The following CADM1 variants were observed in gnomAD, a reference collection of about 807,000 sequenced individuals.
CADM1 encodes the protein cell adhesion molecule 1.
Under a neutral mutation model 53.1 loss-of-function variants are expected in CADM1, and 15 were observed. The observed-to-expected ratio is 0.28, with a 90% CI of 0.19 to 0.44. The LOEUF (loss-of-function observed/expected upper bound fraction) is 0.44, where lower values mean the gene tolerates loss of function less well. CADM1 is among the 20% of genes least tolerant of loss of function. The probability of loss-of-function intolerance (pLI) is 1.00; values close to 1 mark genes in which losing one functional copy is unlikely to be tolerated. For synonymous variants in CADM1, 281 were observed against 243.0 expected, an observed-to-expected ratio of 1.16 and a Z score of -1.45; for missense variants, 434 against 611.3, an observed-to-expected ratio of 0.71 and a Z score of 3.06.
intron 1 of CADM1, among the ~76,000 whole-genome samples, chr11:115,487,946 C>T (rs1442941992): frequency 6.6e-6 from 1 of 151,490 alleles, no homozygotes; most frequent in Non-Finnish European, 1.5e-5. Context: ...GACAGTAGGT[C>T]ATGCTGAAAA....
chr11:115,302,932 G>T (rs1944269841), intron 1 of CADM1, among the ~76,000 whole-genome samples: 2 of 152,058 alleles, frequency 1.3e-5, no homozygotes, highest in African/African-American at 2.4e-5. Context: ...ATTACCAGTT[G>T]CAATTACAAG....
chr11:115,484,595 T>A lies in CADM1; in HGVS notation c.124+19676A>T, dbSNP rs570822637. Among the ~76,000 whole-genome samples, 9 of 152,302 alleles carry A rather than the reference T, an allele frequency of 5.9e-5. No individual in the cohort carries two copies. In the East Asian group the frequency reaches 1.7e-3, roughly 29 times the overall value. ...TGAACTGGCTCTTTCTAGTTCCCTA[T>A]ACCATGGTAAAGACACAATTTGGCG... On this transcript the variant is annotated intron_variant, in intron 1 of 11. Coordinates refer to ENST00000331581, the MANE Select transcript of CADM1 (RefSeq NM_001301043.2).
intron 1 of CADM1, among the ~76,000 whole-genome samples, chr11:115,469,144 G>A (rs1948955784): frequency 6.6e-6 from 1 of 152,068 alleles, no homozygotes. Flanking sequence ...TATACATTCT[G>A]CACTATTGAA....
In CADM1 at chr11:115,453,377, C is replaced by T. The variant is rs80206889; in HGVS notation, c.124+50894G>A. Among the ~76,000 whole-genome samples, 531 of 126,108 alleles carry T rather than the reference C, an allele frequency of 4.2e-3. 1 individual carries two copies. The highest frequency in any genetic ancestry group is 0.012 in the African/African-American group (453 of 36,812). 82.7% of individuals were successfully genotyped at this position (126,108 alleles called of 152,430 possible). On this transcript the variant is annotated intron_variant, in intron 1 of 11. Transcript: ENST00000331581. Reference sequence around the variant, plus strand: ...TGAAACCCTATACCCCCCTCGCCCCCAAAAAAAACCAAAAAAAAAAAACAA... The same window carrying T: ...TGAAACCCTATACCCCCCTCGCCCCTAAAAAAAACCAAAAAAAAAAAACAA...
chr11:115,398,398 G>C (rs1947056832), intron 1 of CADM1, among the ~76,000 whole-genome samples: 1 of 152,112 alleles, frequency 6.6e-6, no homozygotes, highest in African/African-American at 2.4e-5. Context: ...AGAGGTATTT[G>C]AGCCATATGA....
At chr11:115,375,529 C>T (rs1946416383) in intron 1 of CADM1, among the ~76,000 whole-genome samples, 1 of 152,122 alleles carries the variant, frequency 6.6e-6, no homozygotes, top group Non-Finnish European at 1.5e-5. Context: ...GAGTAGACTA[C>T]TATTCAGCAA....
At chr11:115,482,745 A>C in intron 1 of CADM1, among the ~76,000 whole-genome samples, 1 of 152,226 alleles carries the variant, frequency 6.6e-6, no homozygotes, top group East Asian at 1.9e-4. Flanking sequence ...AGAATCTGGA[A>C]GATATACGCC....
chr11:115,481,834 C>T (rs1258270530), intron 1 of CADM1, among the ~76,000 whole-genome samples: 3 of 152,166 alleles, frequency 2.0e-5, no homozygotes, highest in Non-Finnish European at 2.9e-5. Flanking sequence ...GGTTCTGGCC[C>T]TCAAAATTTC....
At chr11:115,434,169 T>C (rs1172211412) in intron 1 of CADM1, among the ~76,000 whole-genome samples, 1 of 152,186 alleles carries the variant, frequency 6.6e-6, no homozygotes, top group African/African-American at 2.4e-5. Context: ...GCCACATTTT[T>C]AACTGCATGA....
intron 1 of CADM1, among the ~76,000 whole-genome samples, chr11:115,260,961 AC>A (rs989614807): frequency 6.6e-6 from 1 of 152,168 alleles, no homozygotes; most frequent in African/African-American, 2.4e-5. Flanking sequence ...GGTATGAGCC[AC>A]CATGCCCATC....
chr11:115,356,630 G>A (rs1160346662), intron 1 of CADM1, among the ~76,000 whole-genome samples: 1 of 152,102 alleles, frequency 6.6e-6, no homozygotes, highest in Non-Finnish European at 1.5e-5. Context: ...AACATTTCAA[G>A]TATTTGTTTA....
chr11:115,231,532 T>C, intron 3 of CADM1, 42 bp from the exon 4 acceptor site: 1 of 1,584,782 alleles, frequency 6.3e-7, no homozygotes, highest in East Asian at 2.2e-5. Flanking sequence ...CAGAATGCAT[T>C]TTTGCATTGT....
intron 1 of CADM1, among the ~76,000 whole-genome samples, chr11:115,429,673 T>C (rs1947992012): frequency 6.7e-6 from 1 of 148,428 alleles, no homozygotes; most frequent in Non-Finnish European, 1.5e-5. Context: ...GAGAATTGTG[T>C]ATTATATTTT....
intron 1 of CADM1, among the ~76,000 whole-genome samples, chr11:115,448,159 A>C (rs1948493537): frequency 6.6e-6 from 1 of 152,194 alleles, no homozygotes. Context: ...TATCATAAGA[A>C]TAACTATAAA....
chr11:115,323,186 A>G (rs575603269), intron 1 of CADM1, among the ~76,000 whole-genome samples: 1 of 152,134 alleles, frequency 6.6e-6, no homozygotes, highest in African/African-American at 2.4e-5. Flanking sequence ...CTAGTGACTA[A>G]TGGCATTGAA....
At chr11:115,377,988 G>A in intron 1 of CADM1, 1 of 152,174 alleles carries the variant, frequency 6.6e-6, no homozygotes, top group East Asian at 1.9e-4. Flanking sequence ...AGGTGAATAT[G>A]TCTGGTAGCA....
intron 1 of CADM1, among the ~76,000 whole-genome samples, chr11:115,429,026 T>A (rs1947971337): frequency 6.6e-6 from 1 of 152,142 alleles, no homozygotes; most frequent in African/African-American, 2.4e-5. Context: ...TCAAATGTCT[T>A]GGTTCCATGT....
chr11:115,357,859 T>A (rs1289941805), intron 1 of CADM1, among the ~76,000 whole-genome samples: 1 of 152,158 alleles, frequency 6.6e-6, no homozygotes, highest in East Asian at 1.9e-4. Flanking sequence ...TCTCACAGGT[T>A]AGACATTGAG....
At chr11:115,234,445 C>T (rs1270255275) in intron 3 of CADM1, among the ~76,000 whole-genome samples, 1 of 152,170 alleles carries the variant, frequency 6.6e-6, no homozygotes, top group African/African-American at 2.4e-5. Context: ...TGTTGTTTGG[C>T]ATTATCCAAA....
Sources: allele counts gnomAD v4.1 joint callset (sites outside exome capture counted in the v4.1 genomes callset), GRCh38; gene constraint gnomAD v4.1.1; transcripts MANE v1.5; gene names NCBI Gene and HGNC (gene_info 2026-07-23, HGNC 2026-07-21).